TBL1XR1: variants seen among roughly 807,000 people sequenced by gnomAD.
TBL1XR1 encodes F-box-like/WD repeat-containing protein TBL1XR1.
TBL1XR1 carries 5 observed loss-of-function variants against 66.9 expected under a neutral mutation model. The ratio of observed to expected loss-of-function variants is 0.07; its 90% CI spans 0.04 to 0.16. TBL1XR1 has a LOEUF of 0.16. TBL1XR1 is among the 10% of genes least tolerant of loss of function. TBL1XR1 has a pLI of 1.00. For synonymous variants in TBL1XR1, 210 were observed against 206.0 expected (o/e 1.02, Z -0.17); for missense variants, 238 against 623.2 (o/e 0.38, Z 6.58).
At chr3:177,180,603 G>T (rs1420810961) in intron 1 of TBL1XR1, among the ~76,000 whole-genome samples, 1 of 151,966 alleles carries the variant, frequency 6.6e-6, no homozygotes, top group Non-Finnish European at 1.5e-5. Context: ...GTAAATTCTG[G>T]TTTCTAGAAA....
At chr3:177,050,690 A>G (rs2108492942) in intron 5 of TBL1XR1, 80 bp from the exon 6 acceptor site, 1 of 1,506,212 alleles carries the variant, frequency 6.6e-7, no homozygotes, top group East Asian at 2.3e-5. Context: ...TAACTAGCAA[A>G]TACCTTCCTT....
intron 12 of TBL1XR1, among the ~76,000 whole-genome samples, chr3:177,037,003 T>A (rs944775227): frequency 2.6e-5 from 4 of 152,206 alleles, no homozygotes; most frequent in Admixed American, 2.0e-4. Context: ...GAATCTGGTG[T>A]GCTTAGGTGC....
chr3:177,035,110 T>C (rs1242357846), intron 12 of TBL1XR1, among the ~76,000 whole-genome samples: 1 of 152,188 alleles, frequency 6.6e-6, no homozygotes, highest in African/African-American at 2.4e-5. Flanking sequence ...CAGAGTGTTT[T>C]TGGTGCCCTA....
intron 1 of TBL1XR1, among the ~76,000 whole-genome samples, chr3:177,162,317 C>T (rs1732313118): frequency 6.6e-6 from 1 of 152,182 alleles, no homozygotes. Flanking sequence ...CAGGTCAATA[C>T]AGTGGTTACC....
intron 2 of TBL1XR1, among the ~76,000 whole-genome samples, chr3:177,082,636 T>C (rs1315763164): frequency 2.0e-5 from 3 of 150,008 alleles, no homozygotes; most frequent in East Asian, 2.0e-4. Context: ...ACAACTATAC[T>C]TGTCTCTCAA....
intron 1 of TBL1XR1, among the ~76,000 whole-genome samples, chr3:177,103,775 T>C (rs1043328943): frequency 2.6e-5 from 4 of 152,162 alleles, no homozygotes; most frequent in African/African-American, 9.7e-5. Flanking sequence ...CAAGGAAGTA[T>C]ATCTGGTATC....
intron 1 of TBL1XR1, among the ~76,000 whole-genome samples, chr3:177,148,239 G>A (rs1368740777): frequency 6.6e-6 from 1 of 152,162 alleles, no homozygotes; most frequent in Non-Finnish European, 1.5e-5. Flanking sequence ...TACAAAAGGA[G>A]GTATACATGC....
intron 3 of TBL1XR1, among the ~76,000 whole-genome samples, chr3:177,057,809 G>C (rs1717991147): frequency 6.6e-6 from 1 of 152,092 alleles, no homozygotes; most frequent in African/African-American, 2.4e-5. Flanking sequence ...ACACTGACTA[G>C]GGTATTGAGA....
chr3:177,200,299 A>C (rs1464440522), upstream of TBL1XR1, among the ~76,000 whole-genome samples: 1 of 152,182 alleles, frequency 6.6e-6, no homozygotes, highest in African/African-American at 2.4e-5. Context: ...ACAAACAAAC[A>C]AAAATAGGGG....
At chr3:177,066,582 G>C (rs1719194408) in intron 2 of TBL1XR1, among the ~76,000 whole-genome samples, 1 of 152,146 alleles carries the variant, frequency 6.6e-6, no homozygotes, top group South Asian at 2.1e-4. Flanking sequence ...AACAGTTTCA[G>C]GAAGAGCAGG....
chr3:177,050,440 ATTT>A, intron 6 of TBL1XR1, 35 bp downstream of exon 6: 1 of 1,606,816 alleles, frequency 6.2e-7, no homozygotes, highest in Non-Finnish European at 8.5e-7. Context: ...TCAATAAGAT[ATTT>A]TTAAGTCATT....
intron 1 of TBL1XR1, among the ~76,000 whole-genome samples, chr3:177,170,101 C>A (rs1289495165): frequency 3.3e-5 from 5 of 152,156 alleles, no homozygotes; most frequent in African/African-American, 1.2e-4. Flanking sequence ...TCACTTCTCA[C>A]CTCTATCATG....
chr3:177,049,854 G>A, intron 7 of TBL1XR1, 143 bp downstream of exon 7: 1 of 841,392 alleles, frequency 1.2e-6, no homozygotes, highest in Non-Finnish European at 1.8e-6. Flanking sequence ...GGAGAGGGCT[G>A]GCAGGGGACG....
chr3:177,146,589 C>CAAAAAAAAAAAAAAAAAAAAGAAAAAAAA (rs78065426), intron 1 of TBL1XR1, among the ~76,000 whole-genome samples: 1 of 51,958 alleles, frequency 1.9e-5, no homozygotes. Flanking sequence ...GACTCCATCT[C>CAAAAAAAAAAAAAAAAAAAAGAAAAAAAA]AAAAAAAAAA....
chr3:177,082,738 T>TAATATATATATATATA (rs1721561508), intron 2 of TBL1XR1, among the ~76,000 whole-genome samples: 1 of 63,234 alleles, frequency 1.6e-5, no homozygotes, highest in Non-Finnish European at 3.0e-5. Flanking sequence ...AAGATAGAGA[T>TAATATATATATATATA]TATATATATA....
At chr3:177,173,377 G>A (rs1455270482) in intron 1 of TBL1XR1, among the ~76,000 whole-genome samples, 1 of 152,142 alleles carries the variant, frequency 6.6e-6, no homozygotes, top group Non-Finnish European at 1.5e-5. Context: ...TAATTTCAGA[G>A]CGAAGGAACT....
At chr3:177,057,166 A>G (rs944929980) in intron 3 of TBL1XR1, among the ~76,000 whole-genome samples, 8 of 152,174 alleles carry the variant, frequency 5.3e-5, no homozygotes, top group Admixed American at 4.6e-4. Context: ...TACATCTAAC[A>G]TCTTGAATAT....
chr3:177,164,494 C>T (rs1231382960), intron 1 of TBL1XR1, among the ~76,000 whole-genome samples: 1 of 151,944 alleles, frequency 6.6e-6, no homozygotes, highest in Non-Finnish European at 1.5e-5. Context: ...GGATTACAAG[C>T]GCCTGCCACC....
intron 1 of TBL1XR1, among the ~76,000 whole-genome samples, chr3:177,129,263 C>T (rs1183827795): frequency 6.6e-6 from 1 of 152,116 alleles, no homozygotes; most frequent in East Asian, 1.9e-4. Flanking sequence ...ATATCTGAGA[C>T]AATCAGCTTC....
Sources: allele counts gnomAD v4.1 joint callset (sites outside exome capture counted in the v4.1 genomes callset), GRCh38; gene constraint gnomAD v4.1.1; transcripts MANE v1.5; gene names NCBI Gene and HGNC (gene_info 2026-07-23, HGNC 2026-07-21).